The following IMPA1 variants were observed in gnomAD, a reference collection of about 807,000 sequenced individuals.
The protein encoded by IMPA1 is D-galactose 1-phosphate phosphatase.
A neutral mutation model predicts 34.9 loss-of-function variants in IMPA1; 21 were observed. The ratio of observed to expected loss-of-function variants is 0.60; its 90% CI spans 0.43 to 0.87. The LOEUF (loss-of-function observed/expected upper bound fraction) is 0.87. IMPA1 is among the 40% of genes least tolerant of loss of function. IMPA1 has a pLI of 0.00. For missense variants in IMPA1, 299 were observed against 336.4 expected, an observed-to-expected ratio of 0.89 and a Z score of 0.87; for synonymous variants, 95 against 104.4, an observed-to-expected ratio of 0.91 and a Z score of 0.55.
At chr8:81,660,458 C>T (rs1373018806) in intron 8 of IMPA1, 58 bp downstream of exon 8, 1 of 1,523,438 alleles carries the variant, frequency 6.6e-7, no homozygotes, top group Non-Finnish European at 9.0e-7. Context: ...TTAAATTCTA[C>T]ATATGGACAA....
intron 7 of IMPA1, among the ~76,000 whole-genome samples, chr8:81,663,983 G>A (rs770571798): frequency 1.3e-5 from 2 of 151,992 alleles, no homozygotes; most frequent in African/African-American, 2.4e-5. Flanking sequence ...AGGTTGCAGT[G>A]AGCCAAGATT....
intron 7 of IMPA1, among the ~76,000 whole-genome samples, chr8:81,661,643 C>A (rs1310621482): frequency 6.6e-6 from 1 of 152,192 alleles, no homozygotes; most frequent in African/African-American, 2.4e-5. Flanking sequence ...TGAGAAATGA[C>A]AACTAAATGC....
Position 81,657,729 on chromosome 8 carries a change from T to G in IMPA1, c.*1622A>C, listed in dbSNP as rs76257194. Among the ~76,000 whole-genome samples the G allele has an allele frequency of 0.029, 4,448 of 151,990 alleles. 96 individuals are homozygous for G. Among genetic ancestry groups the G allele is most frequent in the East Asian group, 0.087 (446 of 5,142 alleles). ...GCCTGGAAAACATAGGAAGATCCCA[T>G]CTTTACAAAAATAAAATTAAAACAT... On this transcript the variant is annotated 3_prime_UTR_variant, in exon 9 of 9. Transcript: ENST00000256108.
intron 1 of IMPA1, among the ~76,000 whole-genome samples, chr8:81,683,324 T>C (rs537117399): frequency 1.1e-4 from 17 of 152,068 alleles, no homozygotes; most frequent in Non-Finnish European, 2.4e-4. Flanking sequence ...AAAGTGGGTG[T>C]TGGTAGAGGG....
chr8:81,668,988 T>A (rs1423526253), intron 7 of IMPA1, among the ~76,000 whole-genome samples: 1 of 152,032 alleles, frequency 6.6e-6, no homozygotes, highest in Admixed American at 6.5e-5. Context: ...AAGGTATAAG[T>A]TGTAAATGTT....
At chr8:81,684,333 T>C (rs1585906368) in intron 1 of IMPA1, among the ~76,000 whole-genome samples, 1 of 145,980 alleles carries the variant, frequency 6.9e-6, no homozygotes. Context: ...TATATTTAGA[T>C]ACTATATATA....
chr8:81,684,730 G>T (rs201703284), intron 1 of IMPA1, among the ~76,000 whole-genome samples: 1 of 136,420 alleles, frequency 7.3e-6, no homozygotes, highest in African/African-American at 2.7e-5. Flanking sequence ...ATACTATGTG[G>T]AGTATATATA....
intron 1 of IMPA1, among the ~76,000 whole-genome samples, chr8:81,683,007 G>A (rs989653238): frequency 1.3e-5 from 2 of 152,154 alleles, no homozygotes; most frequent in African/African-American, 4.8e-5. Context: ...AGGAGAAGAA[G>A]TGCAATGAGA....
chr8:81,684,097 CTA>C (rs34432369), intron 1 of IMPA1, among the ~76,000 whole-genome samples: 10,650 of 137,378 alleles, frequency 0.078, 562 homozygotes, highest in African/African-American at 0.15. Context: ...TGGATGCAAA[CTA>C]TATATATATA....
intron 7 of IMPA1, among the ~76,000 whole-genome samples, chr8:81,670,089 A>T (rs1806944370): frequency 6.6e-6 from 1 of 152,202 alleles, no homozygotes; most frequent in African/African-American, 2.4e-5. Flanking sequence ...GAAAGAAATA[A>T]ATTCCTTTTC....
intron 5 of IMPA1, 37 bp from the exon 6 acceptor site, chr8:81,673,986 G>T: frequency 1.6e-6 from 2 of 1,253,082 alleles, no homozygotes; most frequent in Non-Finnish European, 2.3e-6. Context: ...CCAAACCTAA[G>T]TATGTTTCAT....
At chr8:81,662,624 T>C (rs1191666020) in intron 7 of IMPA1, among the ~76,000 whole-genome samples, 2 of 152,214 alleles carry the variant, frequency 1.3e-5, no homozygotes, top group Non-Finnish European at 2.9e-5. Context: ...AAAAGGATTA[T>C]GTTTGATGTC....
chr8:81,686,089 T>C (rs79040192), intron 1 of IMPA1, 163 bp downstream of exon 1: 28,461 of 919,218 alleles, frequency 0.031, 604 homozygotes, highest in South Asian at 0.082. Flanking sequence ...CCAGGGCAGC[T>C]CCGGATAACG....
intron 7 of IMPA1, among the ~76,000 whole-genome samples, chr8:81,662,839 T>G (rs908846372): frequency 1.3e-5 from 2 of 152,228 alleles, no homozygotes; most frequent in Non-Finnish European, 2.9e-5. Flanking sequence ...ATACCATACA[T>G]AGTGAATTTC....
At chr8:81,663,297 A>G (rs1017995508) in intron 7 of IMPA1, among the ~76,000 whole-genome samples, 2 of 152,368 alleles carry the variant, frequency 1.3e-5, no homozygotes, top group South Asian at 2.1e-4. Context: ...TCTCAAGGGC[A>G]TCATTCTGGG....
chr8:81,686,130 C>G, intron 1 of IMPA1, 122 bp downstream of exon 1: 1 of 811,718 alleles, frequency 1.2e-6, no homozygotes, highest in Non-Finnish European at 1.6e-6. Flanking sequence ...GAGGCTGCCT[C>G]CACCCTAGGC....
intron 7 of IMPA1, among the ~76,000 whole-genome samples, chr8:81,666,741 G>A (rs368425072): frequency 2.6e-5 from 4 of 151,986 alleles, no homozygotes; most frequent in Admixed American, 6.5e-5. Flanking sequence ...ATGGTGGTGC[G>A]TAGCTGTAAT....
intron 4 of IMPA1, among the ~76,000 whole-genome samples, 162 bp from the exon 5 acceptor site, chr8:81,676,441 C>A (rs1251444042): frequency 6.6e-6 from 1 of 152,144 alleles, no homozygotes; most frequent in Non-Finnish European, 1.5e-5. Flanking sequence ...GTATGGTATA[C>A]AACCCTTTGT....
At chr8:81,661,237 C>T (rs1052296442) in intron 7 of IMPA1, among the ~76,000 whole-genome samples, 2 of 152,076 alleles carry the variant, frequency 1.3e-5, no homozygotes, top group African/African-American at 2.4e-5. Context: ...CACTTGATAG[C>T]AATTATAGTA....
Sources: allele counts gnomAD v4.1 joint callset (sites outside exome capture counted in the v4.1 genomes callset), GRCh38; gene constraint gnomAD v4.1.1; transcripts MANE v1.5; gene names NCBI Gene and HGNC (gene_info 2026-07-23, HGNC 2026-07-21).